The following TMEFF2 variants were observed in gnomAD, a reference collection of about 807,000 sequenced individuals.
TMEFF2 encodes transmembrane protein with EGF like and two follistatin like domains 2, also known as tomoregulin-2.
A neutral mutation model predicts 53.8 loss-of-function variants in TMEFF2; 28 were observed. The ratio of observed to expected loss-of-function variants is 0.52; its 90% CI spans 0.39 to 0.71. TMEFF2 has a LOEUF of 0.71. Among genes scored for constraint, TMEFF2 ranks in the 30% least tolerant of loss-of-function variants. TMEFF2 has a pLI of 0.00. For missense variants in TMEFF2, 353 were observed against 455.2 expected (o/e 0.78, Z 2.04); for synonymous variants, 162 against 166.3 (o/e 0.97, Z 0.20).
chr2:191,955,660 A>G (rs1045833370), intron 8 of TMEFF2, among the ~76,000 whole-genome samples: 1 of 148,420 alleles, frequency 6.7e-6, no homozygotes, highest in African/African-American at 2.5e-5. Context: ...CAGTATTTAT[A>G]TTTATAAACT....
intron 5 of TMEFF2, among the ~76,000 whole-genome samples, chr2:192,052,490 T>A (rs770921944): frequency 2.6e-4 from 40 of 152,200 alleles, no homozygotes; most frequent in Non-Finnish European, 5.9e-5. Context: ...ATTTATCAGG[T>A]AAGATAATTA....
intron 4 of TMEFF2, among the ~76,000 whole-genome samples, chr2:192,122,724 G>A (rs1689586097): frequency 6.6e-6 from 1 of 151,880 alleles, no homozygotes; most frequent in African/African-American, 2.4e-5. Context: ...AAATATGCAG[G>A]ATAACACTAC....
chr2:192,115,517 C>T lies in TMEFF2; in HGVS notation c.440-57742G>A, dbSNP rs577823330. 2.0e-5 allele frequency among the ~76,000 whole-genome samples: 3 copies of T among 151,982 alleles called. No homozygotes were observed. The East Asian group carries it at 5.8e-4, about 29-fold the overall frequency. On this transcript the variant is annotated intron_variant, in intron 4 of 9. Transcript: ENST00000272771. ...ATCAAACAAAAAAGTTTCTACAGAG[C>T]AAATGAAACAATCAACAAAGTGAAA...
chr2:192,077,775 T>A (rs540714978), intron 4 of TMEFF2, among the ~76,000 whole-genome samples: 1 of 151,948 alleles, frequency 6.6e-6, no homozygotes, highest in Non-Finnish European at 1.5e-5. Context: ...TATATACTTG[T>A]ACACATACAA....
intron 5 of TMEFF2, among the ~76,000 whole-genome samples, chr2:192,040,887 T>C (rs1482466353): frequency 6.6e-6 from 1 of 152,148 alleles, no homozygotes; most frequent in African/African-American, 2.4e-5. Flanking sequence ...GCTAGTCTTT[T>C]CAACAAATGG....
intron 7 of TMEFF2, among the ~76,000 whole-genome samples, chr2:191,991,724 T>A (rs1686112363): frequency 6.6e-6 from 1 of 152,028 alleles, no homozygotes; most frequent in Admixed American, 6.6e-5. Context: ...GAAAGGAGCA[T>A]TTCAAATAGG....
intron 4 of TMEFF2, among the ~76,000 whole-genome samples, chr2:192,168,760 A>G (rs1276904475): frequency 6.6e-6 from 1 of 152,138 alleles, no homozygotes; most frequent in Non-Finnish European, 1.5e-5. Context: ...ATTTCAAATA[A>G]TTTAAATGGC....
chr2:192,002,552 G>A (rs190564125), intron 5 of TMEFF2, among the ~76,000 whole-genome samples: 7 of 151,902 alleles, frequency 4.6e-5, no homozygotes, highest in Admixed American at 6.5e-5. Context: ...TAAGCTGGCC[G>A]GGCGTGGTGT....
intron 7 of TMEFF2, among the ~76,000 whole-genome samples, chr2:191,993,405 G>A (rs1420124008): frequency 6.6e-6 from 1 of 151,944 alleles, no homozygotes; most frequent in African/African-American, 2.4e-5. Flanking sequence ...ACAGTATAAT[G>A]TTCAACAAGT....
intron 4 of TMEFF2, among the ~76,000 whole-genome samples, chr2:192,062,215 A>C (rs1688061652): frequency 6.6e-6 from 1 of 152,096 alleles, no homozygotes. Flanking sequence ...ATTAGTTTTA[A>C]CTATTCTAGA....
At chr2:192,010,289 G>C (rs978466278) in intron 5 of TMEFF2, among the ~76,000 whole-genome samples, 7 of 152,196 alleles carry the variant, frequency 4.6e-5, no homozygotes, top group African/African-American at 1.4e-4. Flanking sequence ...TGCTCCGAGA[G>C]AGGACTGTGT....
At chr2:192,147,551 A>G (rs1004723773) in intron 4 of TMEFF2, among the ~76,000 whole-genome samples, 1 of 151,740 alleles carries the variant, frequency 6.6e-6, no homozygotes, top group Non-Finnish European at 1.5e-5. Context: ...TCATTGTTCA[A>G]TTCCCACCTA....
At chr2:192,088,696 C>T (rs1250223826) in intron 4 of TMEFF2, among the ~76,000 whole-genome samples, 3 of 152,102 alleles carry the variant, frequency 2.0e-5, no homozygotes, top group South Asian at 2.1e-4. Context: ...CATGTTTTCC[C>T]ACCTTTTAAT....
chr2:192,140,333 T>C (rs1284552128), intron 4 of TMEFF2, among the ~76,000 whole-genome samples: 1 of 152,212 alleles, frequency 6.6e-6, no homozygotes, highest in Non-Finnish European at 1.5e-5. Flanking sequence ...GCCTGGCAGA[T>C]ACAGGCACTC....
At chr2:192,039,580 G>T (rs1687424026) in intron 5 of TMEFF2, among the ~76,000 whole-genome samples, 1 of 152,096 alleles carries the variant, frequency 6.6e-6, no homozygotes, top group Non-Finnish European at 1.5e-5. Context: ...AATAAACTAT[G>T]TTGGGAAATG....
At chr2:192,140,998 G>A (rs1458231377) in intron 4 of TMEFF2, among the ~76,000 whole-genome samples, 1 of 152,168 alleles carries the variant, frequency 6.6e-6, no homozygotes, top group East Asian at 1.9e-4. Flanking sequence ...ACAAAAGTGA[G>A]TGGGATGGAG....
At chr2:192,155,281 C>T (rs1032815179) in intron 4 of TMEFF2, among the ~76,000 whole-genome samples, 1 of 151,894 alleles carries the variant, frequency 6.6e-6, no homozygotes, top group African/African-American at 2.4e-5. Flanking sequence ...GTTTCATTAA[C>T]TAAAGTGGCT....
At chr2:192,041,602 C>A (rs1687482332) in intron 5 of TMEFF2, among the ~76,000 whole-genome samples, 1 of 152,148 alleles carries the variant, frequency 6.6e-6, no homozygotes, top group Admixed American at 6.6e-5. Flanking sequence ...CCTAGCAATT[C>A]CACTCCTATG....
At chr2:192,169,180 A>G (rs1384910392) in intron 4 of TMEFF2, among the ~76,000 whole-genome samples, 1 of 152,160 alleles carries the variant, frequency 6.6e-6, no homozygotes. Flanking sequence ...AATCAGACTG[A>G]TGATACAAAG....
Sources: allele counts gnomAD v4.1 joint callset (sites outside exome capture counted in the v4.1 genomes callset), GRCh38; gene constraint gnomAD v4.1.1; transcripts MANE v1.5; gene names NCBI Gene and HGNC (gene_info 2026-07-23, HGNC 2026-07-21).